The following NPAS3 variants were observed in gnomAD, a reference collection of about 807,000 sequenced individuals.
NPAS3 encodes the protein neuronal PAS domain-containing protein 3.
A neutral mutation model predicts 73.1 loss-of-function variants in NPAS3; 14 were observed. The observed-to-expected ratio is 0.19, with a 90% CI of 0.13 to 0.30. The LOEUF is 0.30. Among genes scored for constraint, NPAS3 ranks in the 10% least tolerant of loss-of-function variants. The pLI, the probability that NPAS3 is intolerant of heterozygous loss-of-function variation, is 1.00. For synonymous variants in NPAS3, 620 were observed against 541.5 expected (o/e 1.14, Z -2.01); for missense variants, 1,096 against 1,250.0 (o/e 0.88, Z 1.86).
chr14:33,060,555 CA>C (rs1347091396), intron 2 of NPAS3, among the ~76,000 whole-genome samples: 1 of 152,336 alleles, frequency 6.6e-6, no homozygotes, highest in East Asian at 1.9e-4. Flanking sequence ...AGGCCATTGG[CA>C]AAATTGTAAA....
chr14:33,126,700 G>A (rs1215072834), intron 2 of NPAS3, among the ~76,000 whole-genome samples: 1 of 152,106 alleles, frequency 6.6e-6, no homozygotes, highest in Non-Finnish European at 1.5e-5. Context: ...AAAGACTGTG[G>A]CAGCTCATGC....
At chr14:33,451,323 C>T (rs1341421770) in intron 4 of NPAS3, among the ~76,000 whole-genome samples, 1 of 152,196 alleles carries the variant, frequency 6.6e-6, no homozygotes, top group African/African-American at 2.4e-5. Context: ...TCTCTAGGCA[C>T]TTTTAGTAAA....
At chr14:33,788,370 A>T (rs2063244669) in intron 9 of NPAS3, among the ~76,000 whole-genome samples, 1 of 152,202 alleles carries the variant, frequency 6.6e-6, no homozygotes, top group African/African-American at 2.4e-5. Context: ...GTGAATGTGA[A>T]GGGTGGAATC....
At chr14:33,713,467 T>G (rs2060876844) in intron 6 of NPAS3, among the ~76,000 whole-genome samples, 1 of 152,260 alleles carries the variant, frequency 6.6e-6, no homozygotes, top group African/African-American at 2.4e-5. Flanking sequence ...AAGCCCCATC[T>G]GGCAGACTTC....
chr14:33,710,560 G>A (rs1453057441), intron 6 of NPAS3, among the ~76,000 whole-genome samples: 4 of 152,222 alleles, frequency 2.6e-5, no homozygotes, highest in East Asian at 1.9e-4. Context: ...GCTGGAAAAC[G>A]AATGGCTCAG....
At chr14:32,985,826 G>A (rs1184696167) in intron 1 of NPAS3, among the ~76,000 whole-genome samples, 1 of 152,214 alleles carries the variant, frequency 6.6e-6, no homozygotes, top group African/African-American at 2.4e-5. Context: ...TAGCTTAGAA[G>A]AAGCTATAAA....
At position 33,307,748 on chromosome 14, in the gene NPAS3, T is replaced by TATTAAATGTCAAGTTCTC. The variant is rs1429067171; in HGVS notation, c.386-59438_386-59437insATTAAATGTCAAGTTCTC. Among the ~76,000 whole-genome samples, 5 of 152,286 alleles carry TATTAAATGTCAAGTTCTC rather than the reference T, an allele frequency of 3.3e-5. No individual in the cohort carries two copies. In the East Asian group the frequency reaches 7.7e-4, roughly 24 times the overall value. On this transcript the variant is annotated intron_variant, in intron 3 of 11. Coordinates refer to ENST00000356141, the Ensembl canonical transcript of NPAS3. ...CCCATATTCATTTAATATTCTCCAA[T>TATTAAATGTCAAGTTCTC]CAGAACTTGACAGAGGTATTGCTTA...
At chr14:33,336,214 A>G (rs1268566648) in intron 3 of NPAS3, among the ~76,000 whole-genome samples, 5 of 152,160 alleles carry the variant, frequency 3.3e-5, no homozygotes, top group Non-Finnish European at 5.9e-5. Flanking sequence ...TTAAAACAAC[A>G]TTCTTTTTAT....
At chr14:33,516,985 G>A (rs796408171) in intron 4 of NPAS3, among the ~76,000 whole-genome samples, 2 of 152,012 alleles carry the variant, frequency 1.3e-5, no homozygotes, top group East Asian at 1.9e-4. Flanking sequence ...ATTAGTTTAC[G>A]ATCTACTGAG....
At chr14:33,630,560 A>G (rs1480799563) in intron 5 of NPAS3, among the ~76,000 whole-genome samples, 8 of 152,348 alleles carry the variant, frequency 5.3e-5, no homozygotes, top group Admixed American at 4.6e-4. Context: ...AGGATTCTCA[A>G]TGGATTGTAT....
At chr14:33,638,130 A>G (rs965405768) in intron 5 of NPAS3, among the ~76,000 whole-genome samples, 5 of 152,246 alleles carry the variant, frequency 3.3e-5, no homozygotes, top group African/African-American at 1.2e-4. Flanking sequence ...AGCAAAAAGT[A>G]TTGGACATTT....
chr14:33,322,386 T>C (rs2043489375), intron 3 of NPAS3, among the ~76,000 whole-genome samples: 1 of 152,186 alleles, frequency 6.6e-6, no homozygotes, highest in Admixed American at 6.5e-5. Flanking sequence ...TGCCAAATTA[T>C]AAGACTGGTA....
intron 3 of NPAS3, among the ~76,000 whole-genome samples, chr14:33,298,737 A>G (rs2042407113): frequency 6.6e-6 from 1 of 152,192 alleles, no homozygotes; most frequent in Admixed American, 6.5e-5. Context: ...TTCGTTTAAT[A>G]AAAAAGTGAT....
chr14:33,400,776 G>A (rs1011679569), intron 4 of NPAS3, among the ~76,000 whole-genome samples: 2 of 151,968 alleles, frequency 1.3e-5, no homozygotes, highest in Non-Finnish European at 2.9e-5. Flanking sequence ...GGGGGGCGTG[G>A]TGGCAGTGGT....
At chr14:33,016,400 T>C (rs1268848338) in intron 1 of NPAS3, among the ~76,000 whole-genome samples, 1 of 80,026 alleles carries the variant, frequency 1.2e-5, no homozygotes, top group Non-Finnish European at 2.6e-5. Context: ...CATAGCAATA[T>C]TCATGGAATG....
chr14:33,012,966 G>T (rs1190303944), intron 1 of NPAS3, among the ~76,000 whole-genome samples: 1 of 152,176 alleles, frequency 6.6e-6, no homozygotes, highest in Non-Finnish European at 1.5e-5. Context: ...GAGCGTTCTT[G>T]GGGACTGAGA....
chr14:33,181,130 T>G (rs2045783611), intron 2 of NPAS3, among the ~76,000 whole-genome samples: 1 of 152,174 alleles, frequency 6.6e-6, no homozygotes, highest in South Asian at 2.1e-4. Context: ...GTGGTGATTT[T>G]AAACTGGACA....
intron 3 of NPAS3, among the ~76,000 whole-genome samples, chr14:33,261,119 C>G (rs1055708700): frequency 6.6e-6 from 1 of 152,080 alleles, no homozygotes; most frequent in Admixed American, 6.5e-5. Flanking sequence ...GCTAGCAATT[C>G]TTCAACAACC....
intron 1 of NPAS3, among the ~76,000 whole-genome samples, chr14:32,998,036 G>A (rs1000411344): frequency 2.0e-5 from 3 of 152,080 alleles, no homozygotes; most frequent in South Asian, 2.1e-4. Context: ...GTATATACCC[G>A]AAATATTTGA....
Sources: allele counts gnomAD v4.1 joint callset (sites outside exome capture counted in the v4.1 genomes callset), GRCh38; gene constraint gnomAD v4.1.1; transcripts MANE v1.5; gene names NCBI Gene and HGNC (gene_info 2026-07-23, HGNC 2026-07-21).